Variants in CHL1 observed in about 807,000 individuals in gnomAD.
CHL1 encodes the protein neural cell adhesion molecule L1-like protein.
Under a neutral mutation model 141.9 loss-of-function variants are expected in CHL1, and 96 were observed. The ratio of observed to expected loss-of-function variants is 0.68; its 90% CI spans 0.57 to 0.80. CHL1 has a LOEUF of 0.80. CHL1 is among the 30% of genes least tolerant of loss of function. The pLI is 0.00. For missense variants in CHL1, 1,820 were observed against 1,457.2 expected (o/e 1.25, Z -4.05); for synonymous variants, 613 against 502.2 (o/e 1.22, Z -2.95).
At chr3:251,698 A>G (rs768931275) in intron 2 of CHL1, among the ~76,000 whole-genome samples, 2 of 152,146 alleles carry the variant, frequency 1.3e-5, no homozygotes, top group Non-Finnish European at 2.9e-5. Context: ...AAAGTTAGAA[A>G]AAGTGTTGTT....
rs182927800 is a variant in CHL1 at position 323,757 on chromosome 3, C to T, written c.92-2202C>T. 3.0e-3 allele frequency among the ~76,000 whole-genome samples: 452 copies of T among 152,122 alleles called. 6 individuals are homozygous for T. The highest frequency in any genetic ancestry group is 2.2e-3 in the Non-Finnish European group (151 of 67,974). On this transcript the variant is annotated intron_variant, in intron 3 of 27. Transcript: ENST00000256509. The stretch of plus-strand genomic sequence containing the variant: ...GAGATGGCCTTTAGTTCTAGCCACT[C>T]GAAAGGCTGAGGCGGGAGGATTACT...
At chr3:287,501 G>C (rs1452164281) in intron 2 of CHL1, among the ~76,000 whole-genome samples, 1 of 152,108 alleles carries the variant, frequency 6.6e-6, no homozygotes, top group Non-Finnish European at 1.5e-5. Flanking sequence ...AGGTGCTTTG[G>C]GAAAGATGAT....
chr3:333,783 A>G (rs1701648396), intron 5 of CHL1, among the ~76,000 whole-genome samples: 1 of 152,220 alleles, frequency 6.6e-6, no homozygotes, highest in South Asian at 2.1e-4. Flanking sequence ...TCTTGCCTTC[A>G]TTATCCAACT....
Position 409,018 on chromosome 3 carries a change from T to C in CHL1, c.*3307T>C, listed in dbSNP as rs1350190530. ...GCTTTTCTAAGCATTTAAAACATAA[T>C]TGCCAATTGAAACCCTAAATATGTT... On this transcript the variant is annotated 3_prime_UTR_variant, in exon 28 of 28. Coordinates refer to ENST00000256509, the MANE Select transcript of CHL1 (RefSeq NM_006614.4). 6.6e-6 allele frequency: 1 copy of C among 152,078 alleles called. No individual in the cohort carries two copies. The highest frequency in any genetic ancestry group is 2.4e-5 in the African/African-American group (1 of 41,428). 9.4% of individuals were successfully genotyped at this position (152,078 alleles called of 1,614,324 possible).
chr3:305,662 G>T (rs1292183862), intron 2 of CHL1, among the ~76,000 whole-genome samples: 1 of 150,738 alleles, frequency 6.6e-6, no homozygotes, highest in Non-Finnish European at 1.5e-5. Flanking sequence ...TTATATAACA[G>T]ATATAAGGCA....
intron 2 of CHL1, among the ~76,000 whole-genome samples, chr3:258,983 G>C (rs1381597968): frequency 6.7e-6 from 1 of 149,738 alleles, no homozygotes; most frequent in Admixed American, 6.7e-5. Context: ...ACCCAGGCTG[G>C]AGTGCAGTGG....
intron 6 of CHL1, 102 bp downstream of exon 6, chr3:341,018 C>T: frequency 7.8e-7 from 1 of 1,282,776 alleles, no homozygotes; most frequent in East Asian, 2.5e-5. Flanking sequence ...ATAAAGATCT[C>T]TTAATTTTTT....
chr3:385,415 AG>A (rs1174840325), intron 19 of CHL1, among the ~76,000 whole-genome samples: 1 of 152,212 alleles, frequency 6.6e-6, no homozygotes, highest in Non-Finnish European at 1.5e-5. Flanking sequence ...TATGGAAAAA[AG>A]GCCAGAAATC....
chr3:301,626 G>A (rs560402584), intron 2 of CHL1, among the ~76,000 whole-genome samples: 20 of 152,326 alleles, frequency 1.3e-4, no homozygotes, highest in African/African-American at 4.8e-4. Flanking sequence ...AAGCAAAGCA[G>A]AATTCTTGCT....
chr3:288,221 C>T (rs1053185030), intron 2 of CHL1, among the ~76,000 whole-genome samples: 1 of 152,154 alleles, frequency 6.6e-6, no homozygotes, highest in African/African-American at 2.4e-5. Flanking sequence ...TTGGTCACTA[C>T]TTTAAGATTT....
At chr3:259,588 C>T (rs957828939) in intron 2 of CHL1, among the ~76,000 whole-genome samples, 24 of 152,110 alleles carry the variant, frequency 1.6e-4, no homozygotes, top group African/African-American at 5.8e-4. Context: ...CTTGTTATCT[C>T]ATCCACCATT....
intron 1 of CHL1, among the ~76,000 whole-genome samples, chr3:242,478 C>T (rs1189779084): frequency 1.3e-5 from 2 of 150,962 alleles, no homozygotes; most frequent in African/African-American, 2.4e-5. Context: ...CGCCTGTAGT[C>T]CCAGCTACCT....
intron 2 of CHL1, among the ~76,000 whole-genome samples, chr3:266,847 G>C (rs933888247): frequency 2.0e-5 from 3 of 152,122 alleles, no homozygotes; most frequent in African/African-American, 7.2e-5. Context: ...ACTTCATGTT[G>C]TGATATTACA....
At chr3:255,048 TG>T (rs1694030931) in intron 2 of CHL1, among the ~76,000 whole-genome samples, 1 of 152,188 alleles carries the variant, frequency 6.6e-6, no homozygotes, top group Non-Finnish European at 1.5e-5. Flanking sequence ...TTCTGAATTT[TG>T]GGGCCCGTTT....
intron 1 of CHL1, among the ~76,000 whole-genome samples, chr3:217,296 T>C (rs1700406583): frequency 6.6e-6 from 1 of 152,136 alleles, no homozygotes; most frequent in Admixed American, 6.6e-5. Flanking sequence ...TGTGTAGCTC[T>C]GATTCTAAGA....
chr3:322,111 T>C (rs545907245), intron 3 of CHL1, among the ~76,000 whole-genome samples: 1 of 152,154 alleles, frequency 6.6e-6, no homozygotes, highest in African/African-American at 2.4e-5. Context: ...TTAAATAATA[T>C]GAATTTGCAA....
At chr3:392,724 A>G (rs761880437) in intron 23 of CHL1, among the ~76,000 whole-genome samples, 15 of 152,210 alleles carry the variant, frequency 9.9e-5, no homozygotes, top group Non-Finnish European at 1.9e-4. Context: ...TCAGCTCAAG[A>G]CTTCCAGCAA....
chr3:253,645 C>A (rs1342402201), intron 2 of CHL1, among the ~76,000 whole-genome samples: 1 of 152,142 alleles, frequency 6.6e-6, no homozygotes, highest in Non-Finnish European at 1.5e-5. Flanking sequence ...GTATTACTCA[C>A]AACAGTATCT....
intron 11 of CHL1, among the ~76,000 whole-genome samples, chr3:358,283 G>A (rs35073337): frequency 0.51 from 77,439 of 151,878 alleles, 20,750 homozygotes; most frequent in Middle Eastern, 0.67. Context: ...TTGAAAGCCA[G>A]CTACACTGCA....
Sources: allele counts gnomAD v4.1 joint callset (sites outside exome capture counted in the v4.1 genomes callset), GRCh38; gene constraint gnomAD v4.1.1; transcripts MANE v1.5; gene names NCBI Gene and HGNC (gene_info 2026-07-23, HGNC 2026-07-21).